Variants in ATRNL1 observed in about 807,000 individuals in gnomAD.
ATRNL1 encodes attractin like 1.
Under a neutral mutation model 182.7 loss-of-function variants are expected in ATRNL1, and 95 were observed. That is an observed-to-expected ratio of 0.52 (90% CI 0.44 to 0.62). The LOEUF is 0.62. Ranked by LOEUF, ATRNL1 falls within the 20% of genes least tolerant of loss-of-function variation. The pLI is 0.00. For synonymous variants in ATRNL1, 576 were observed against 568.3 expected, an observed-to-expected ratio of 1.01 and a Z score of -0.19; for missense variants, 1,471 against 1,679.5, an observed-to-expected ratio of 0.88 and a Z score of 2.17.
At chr10:115,282,522 C>T (rs886187342) in intron 14 of ATRNL1, among the ~76,000 whole-genome samples, 39 of 151,474 alleles carry the variant, frequency 2.6e-4, no homozygotes, top group Non-Finnish European at 3.2e-4. Context: ...TTATAAACTA[C>T]AGCAAAGCTC....
At chr10:115,481,484 CTT>C (rs1157968101) in intron 24 of ATRNL1, among the ~76,000 whole-genome samples, 32 of 150,758 alleles carry the variant, frequency 2.1e-4, no homozygotes, top group Non-Finnish European at 3.3e-4. Context: ...TTATTCCTAA[CTT>C]ATAAAATATT....
chr10:115,846,390 T>C (rs1029150204), intron 27 of ATRNL1, among the ~76,000 whole-genome samples: 1 of 152,128 alleles, frequency 6.6e-6, no homozygotes, highest in Non-Finnish European at 1.5e-5. Context: ...TAATGCCTCA[T>C]TAAACTTTCT....
intron 27 of ATRNL1, among the ~76,000 whole-genome samples, chr10:115,819,685 T>C (rs1182982947): frequency 6.6e-6 from 1 of 152,120 alleles, no homozygotes; most frequent in Non-Finnish European, 1.5e-5. Flanking sequence ...CCCTGTACTT[T>C]ATATGAAAAT....
chr10:115,569,493 A>C (rs1369333966), intron 26 of ATRNL1, among the ~76,000 whole-genome samples: 3 of 152,180 alleles, frequency 2.0e-5, no homozygotes. Context: ...GTGTTTTGTC[A>C]AACTTTGGAT....
At chr10:115,532,128 A>G (rs1851630946) in intron 25 of ATRNL1, among the ~76,000 whole-genome samples, 1 of 151,868 alleles carries the variant, frequency 6.6e-6, no homozygotes, top group Non-Finnish European at 1.5e-5. Context: ...TTTTGGTTCC[A>G]TATGAATTTT....
At chr10:115,111,524 A>T (rs1224289671) in intron 1 of ATRNL1, among the ~76,000 whole-genome samples, 1 of 152,152 alleles carries the variant, frequency 6.6e-6, no homozygotes, top group Non-Finnish European at 1.5e-5. Context: ...TGCAGATTTC[A>T]TATGGCAGGA....
chr10:115,945,650 A>G lies in ATRNL1; in HGVS notation c.*871A>G, dbSNP rs889403266. The G allele has an allele frequency of 1.3e-5, 2 of 152,208 alleles. No individual in the cohort carries two copies. The highest frequency in any genetic ancestry group is 2.9e-5 in the Non-Finnish European group (2 of 68,032). The allele number at this position is 152,208 out of a possible 1,614,324, so 9.4% of individuals were successfully genotyped here. A position where few individuals can be genotyped will look rare whatever the true frequency, so the allele number is the denominator to read the frequency against. ...CTAAGAATCATTGGATCAGACCTAAATGATCCATCTGCATTTTTATAAGAA... is the reference window on the plus strand; with the variant it reads ...CTAAGAATCATTGGATCAGACCTAAGTGATCCATCTGCATTTTTATAAGAA... On this transcript the variant is annotated 3_prime_UTR_variant, in exon 29 of 29. Coordinates refer to ENST00000355044, the MANE Select transcript of ATRNL1 (RefSeq NM_207303.4).
chr10:115,777,799 A>AAC (rs1366141386), intron 27 of ATRNL1, among the ~76,000 whole-genome samples: 8 of 152,182 alleles, frequency 5.3e-5, no homozygotes, highest in South Asian at 2.1e-4. Flanking sequence ...GGAAAAAAGG[A>AAC]ACAATGCGTG....
At chr10:115,099,426 T>A (rs1554864056) in intron 1 of ATRNL1, among the ~76,000 whole-genome samples, 1 of 152,256 alleles carries the variant, frequency 6.6e-6, no homozygotes, top group Non-Finnish European at 1.5e-5. Context: ...TATGGTCATA[T>A]GCTTTCCTTT....
At chr10:115,228,952 A>C (rs1849814364) in intron 9 of ATRNL1, among the ~76,000 whole-genome samples, 2 of 151,866 alleles carry the variant, frequency 1.3e-5, no homozygotes, top group Admixed American at 6.6e-5. Flanking sequence ...TTTTTAGTAT[A>C]GATGGGGTTT....
At chr10:115,451,522 G>A (rs1211236974) in intron 21 of ATRNL1, among the ~76,000 whole-genome samples, 6 of 152,004 alleles carry the variant, frequency 3.9e-5, no homozygotes, top group African/African-American at 1.2e-4. Flanking sequence ...GCTCAGTATC[G>A]TTGATTGTAG....
At chr10:115,458,964 T>G (rs952607976) in intron 21 of ATRNL1, among the ~76,000 whole-genome samples, 1 of 152,204 alleles carries the variant, frequency 6.6e-6, no homozygotes, top group South Asian at 2.1e-4. Context: ...ATATGGATTG[T>G]GAAGATTTAA....
intron 19 of ATRNL1, among the ~76,000 whole-genome samples, chr10:115,335,479 G>A (rs1224754165): frequency 6.6e-6 from 1 of 152,174 alleles, no homozygotes; most frequent in Non-Finnish European, 1.5e-5. Context: ...TGATTCTTAG[G>A]TAATTGTTCT....
intron 8 of ATRNL1, among the ~76,000 whole-genome samples, chr10:115,211,087 C>G (rs1286822736): frequency 6.7e-6 from 1 of 148,308 alleles, no homozygotes; most frequent in Admixed American, 6.8e-5. Flanking sequence ...TTTTAGGGTA[C>G]ATGTGCACAT....
chr10:115,704,535 A>G (rs545282794), intron 26 of ATRNL1, among the ~76,000 whole-genome samples: 4 of 151,944 alleles, frequency 2.6e-5, no homozygotes, highest in Admixed American at 6.6e-5. Flanking sequence ...TATGAGTTAT[A>G]TGTACTATTT....
In ATRNL1 at chr10:115,525,676, C is replaced by T. The variant is rs552983700; in HGVS notation, c.3716+6352C>T. 4.6e-5 allele frequency among the ~76,000 whole-genome samples: 7 copies of T among 152,252 alleles called. No individual in the cohort carries two copies. In the South Asian group the frequency reaches 8.3e-4, roughly 18 times the overall value. ...CTTCCATAAGCCAGGACAACCCAGG[C>T]ATTTCAATTTCACTTGTACTGGACA... On this transcript the variant is annotated intron_variant, in intron 25 of 28. Coordinates refer to ENST00000355044, the MANE Select transcript of ATRNL1 (RefSeq NM_207303.4).
chr10:115,597,751 TTGGCCAG>T (rs1856344213), intron 26 of ATRNL1: 16 of 432,958 alleles, frequency 3.7e-5, no homozygotes, highest in Non-Finnish European at 4.6e-6. Context: ...TTTCACCATG[TTGGCCAG>T]ACTGGACCTC....
At chr10:115,901,664 C>T (rs997442630) in intron 28 of ATRNL1, among the ~76,000 whole-genome samples, 15 of 147,914 alleles carry the variant, frequency 1.0e-4, no homozygotes, top group Admixed American at 4.9e-4. Flanking sequence ...TTGCAAACCA[C>T]AGCTTATCTT....
At chr10:115,839,619 G>A (rs771699580) in intron 27 of ATRNL1, among the ~76,000 whole-genome samples, 27 of 152,022 alleles carry the variant, frequency 1.8e-4, no homozygotes, top group Non-Finnish European at 3.4e-4. Context: ...CTTCTGCAAG[G>A]TAAAGTCCTT....
Sources: allele counts gnomAD v4.1 joint callset (sites outside exome capture counted in the v4.1 genomes callset), GRCh38; gene constraint gnomAD v4.1.1; transcripts MANE v1.5; gene names NCBI Gene and HGNC (gene_info 2026-07-23, HGNC 2026-07-21).